ELMO1: variants seen among roughly 807,000 people sequenced by gnomAD.
The protein encoded by ELMO1 is engulfment and cell motility protein 1.
Under a neutral mutation model 98.9 loss-of-function variants are expected in ELMO1, and 26 were observed. The ratio of observed to expected loss-of-function variants is 0.26; its 90% CI spans 0.19 to 0.36. The LOEUF (loss-of-function observed/expected upper bound fraction) is 0.36. Among genes scored for constraint, ELMO1 ranks in the 10% least tolerant of loss-of-function variants. The pLI is 1.00. For missense variants in ELMO1, 627 were observed against 935.2 expected (o/e 0.67, Z 4.30); for synonymous variants, 346 against 346.0 (o/e 1.00, Z 0.00).
intron 13 of ELMO1, among the ~76,000 whole-genome samples, chr7:37,178,010 T>C (rs1015124050): frequency 7.9e-5 from 12 of 151,636 alleles, no homozygotes; most frequent in African/African-American, 2.7e-4. Context: ...TAATTGTACA[T>C]GTCAACTTGC....
intron 18 of ELMO1, among the ~76,000 whole-genome samples, chr7:36,883,896 G>T (rs1804691396): frequency 6.6e-6 from 1 of 152,180 alleles, no homozygotes; most frequent in Non-Finnish European, 1.5e-5. Flanking sequence ...GAACACAGAA[G>T]CCAGGCAATT....
Position 36,993,311 on chromosome 7 carries a change from G to A in ELMO1, c.1437+19988C>T, listed in dbSNP as rs1303936323. ...GTTGTTTTAACTTTGGATCTTGGTA[G>A]TAAGTTGGCTTTATCAGAAACCAGT... On this transcript the variant is annotated intron_variant, in intron 16 of 21. Coordinates refer to ENST00000310758, the MANE Select transcript of ELMO1 (RefSeq NM_014800.11). 3.9e-5 allele frequency among the ~76,000 whole-genome samples: 6 copies of A among 152,306 alleles called. No individual in the cohort carries two copies. In the East Asian group the frequency reaches 1.2e-3, roughly 29 times the overall value.
intron 15 of ELMO1, among the ~76,000 whole-genome samples, chr7:37,094,291 C>T (rs61372187): frequency 0.16 from 24,940 of 152,022 alleles, 2,761 homozygotes; most frequent in African/African-American, 0.31. Context: ...GGAGATGGAA[C>T]AGTCTTCAGT....
At chr7:37,429,340 A>G (rs555485980) in intron 1 of ELMO1, 1 of 152,422 alleles carries the variant, frequency 6.6e-6, no homozygotes, top group South Asian at 2.1e-4. Context: ...GGGATGGAAC[A>G]GTTACCCCTG....
chr7:36,856,405 G>A (rs1193611746), intron 21 of ELMO1, among the ~76,000 whole-genome samples: 1 of 152,224 alleles, frequency 6.6e-6, no homozygotes, highest in East Asian at 1.9e-4. Context: ...AGGAGGGTTG[G>A]CTGCCTGTCT....
rs1355097940 is a variant in ELMO1, at chr7:36,870,661, T to C, written c.1823-186A>G. 6.6e-6 allele frequency among the ~76,000 whole-genome samples: 1 copy of C among 152,034 alleles called. No individual in the cohort carries two copies. The highest frequency in any genetic ancestry group is 2.4e-5 in the African/African-American group (1 of 41,384). On this transcript the variant is annotated intron_variant, in intron 19 of 21. Coordinates refer to ENST00000310758, the MANE Select transcript of ELMO1 (RefSeq NM_014800.11). This position sits in a 1 kb window ranked among gnomAD's most constrained non-coding sequence, Gnocchi z 4.4. ...TCCCAGGATTAGAAACTAAAATATA[T>C]CTTATATTCTGGGAAAAAGCATCCC...
At chr7:37,271,676 G>A (rs1796566280) in intron 5 of ELMO1, 156 bp downstream of exon 5, 4 of 717,994 alleles carry the variant, frequency 5.6e-6, no homozygotes, top group African/African-American at 1.8e-5. Flanking sequence ...TCTACGGAGG[G>A]GCATTCCTGC....
At chr7:36,952,246 G>A (rs749807022) in intron 16 of ELMO1, among the ~76,000 whole-genome samples, 10 of 152,214 alleles carry the variant, frequency 6.6e-5, no homozygotes, top group Non-Finnish European at 1.5e-4. Flanking sequence ...AAAGGAATCA[G>A]TCAAAGAAGC....
At chr7:37,408,280 C>T (rs1803856366) in intron 1 of ELMO1, among the ~76,000 whole-genome samples, 1 of 152,256 alleles carries the variant, frequency 6.6e-6, no homozygotes, top group African/African-American at 2.4e-5. Context: ...AGTTGAAACC[C>T]CCAGGAAGAA....
At chr7:36,858,637 C>T (rs529095378) in intron 21 of ELMO1, among the ~76,000 whole-genome samples, 1 of 151,888 alleles carries the variant, frequency 6.6e-6, no homozygotes, top group South Asian at 2.1e-4. Flanking sequence ...CCCAAAGGTC[C>T]TTAAAAGTGA....
chr7:37,031,106 T>C (rs1584539324), intron 15 of ELMO1, among the ~76,000 whole-genome samples: 1 of 152,172 alleles, frequency 6.6e-6, no homozygotes, highest in Non-Finnish European at 1.5e-5. Flanking sequence ...TTGGTTCAGG[T>C]GCTCATCACT....
At chr7:36,956,553 A>T (rs1017574895) in intron 16 of ELMO1, among the ~76,000 whole-genome samples, 3 of 152,244 alleles carry the variant, frequency 2.0e-5, no homozygotes, top group African/African-American at 2.4e-5. Flanking sequence ...TATAAAAAAA[A>T]GGTCACTTTA....
chr7:37,215,008 T>C (rs1051339509), intron 11 of ELMO1, among the ~76,000 whole-genome samples: 3 of 152,186 alleles, frequency 2.0e-5, no homozygotes, highest in African/African-American at 7.2e-5. Context: ...GCTTCTACAT[T>C]TACTGAGAGC....
At chr7:36,873,589 A>G (rs1803711164) in intron 19 of ELMO1, among the ~76,000 whole-genome samples, 1 of 152,214 alleles carries the variant, frequency 6.6e-6, no homozygotes, top group South Asian at 2.1e-4. Context: ...CAATTATGCA[A>G]TGATACACAG....
chr7:37,156,757 A>G (rs1788796779), intron 13 of ELMO1, among the ~76,000 whole-genome samples: 1 of 152,218 alleles, frequency 6.6e-6, no homozygotes, highest in Non-Finnish European at 1.5e-5. Context: ...AGCTGGTACC[A>G]TTTTTTCTGA....
chr7:37,109,492 C>G (rs1584657962), intron 14 of ELMO1, among the ~76,000 whole-genome samples: 2 of 152,142 alleles, frequency 1.3e-5, no homozygotes, highest in Non-Finnish European at 2.9e-5. Flanking sequence ...ACACCCCACG[C>G]GCTGCCTCCA....
chr7:37,416,513 C>G (rs114158616), intron 1 of ELMO1, among the ~76,000 whole-genome samples: 1 of 152,182 alleles, frequency 6.6e-6, no homozygotes, highest in African/African-American at 2.4e-5. Flanking sequence ...TCCATGCACA[C>G]GCACAGACCA....
chr7:37,123,801 T>C (rs927293251), intron 14 of ELMO1, among the ~76,000 whole-genome samples: 1 of 152,180 alleles, frequency 6.6e-6, no homozygotes, highest in African/African-American at 2.4e-5. Context: ...GCCAGCATCA[T>C]CCTGATACCA....
intron 16 of ELMO1, among the ~76,000 whole-genome samples, chr7:36,946,413 T>C (rs1562846206): frequency 6.6e-6 from 1 of 152,324 alleles, no homozygotes; most frequent in East Asian, 1.9e-4. Flanking sequence ...AAGTGGCCAC[T>C]GGACCCTCAT....
Sources: gnomAD v4.1 joint callset for allele counts (sites outside exome capture counted in the v4.1 genomes callset) on GRCh38, gnomAD v4.1.1 for gene constraint, Gnocchi (gnomAD v3.1) non-coding constraint, MANE v1.5 for transcripts, NCBI Gene and HGNC (gene_info 2026-07-23, HGNC 2026-07-21) for gene names.